The following MAML3 variants were observed in gnomAD, a reference collection of about 807,000 sequenced individuals.
MAML3 encodes the protein mastermind-like protein 3.
In MAML3, 27 loss-of-function variants were observed where a neutral mutation model predicts 101.9. The ratio of observed to expected loss-of-function variants is 0.27; its 90% CI spans 0.20 to 0.37. The LOEUF is 0.37. MAML3 is among the 10% of genes least tolerant of loss of function. MAML3 has a pLI of 1.00. For missense variants in MAML3, 1,316 were observed against 1,444.9 expected, an observed-to-expected ratio of 0.91 and a Z score of 1.45; for synonymous variants, 501 against 555.9, an observed-to-expected ratio of 0.90 and a Z score of 1.39.
intron 2 of MAML3, among the ~76,000 whole-genome samples, chr4:139,831,704 G>T: frequency 6.6e-6 from 1 of 152,062 alleles, no homozygotes; most frequent in East Asian, 1.9e-4. Flanking sequence ...GATCCTGGGC[G>T]TGTGGCCAGG....
intron 2 of MAML3, among the ~76,000 whole-genome samples, chr4:139,821,027 G>T (rs183548845): frequency 6.6e-6 from 1 of 152,278 alleles, no homozygotes; most frequent in African/African-American, 2.4e-5. Context: ...GACACAGTTT[G>T]AAATTTGCTA....
chr4:139,776,153 T>C (rs1402047871), intron 2 of MAML3, among the ~76,000 whole-genome samples: 1 of 152,250 alleles, frequency 6.6e-6, no homozygotes, highest in Non-Finnish European at 1.5e-5. Flanking sequence ...ATGATTATTT[T>C]GTAAATCAAC....
intron 2 of MAML3, among the ~76,000 whole-genome samples, chr4:139,842,522 A>ATTTTTAT (rs57436488): frequency 0.41 from 62,154 of 151,052 alleles, 13,619 homozygotes; most frequent in East Asian, 0.69. Flanking sequence ...TTTTATTTTT[A>ATTTTTAT]TTTTTATTTG....
intron 1 of MAML3, among the ~76,000 whole-genome samples, chr4:139,911,621 G>C (rs1020624456): frequency 2.0e-5 from 3 of 152,172 alleles, no homozygotes; most frequent in African/African-American, 7.2e-5. Flanking sequence ...TAACCCCCAA[G>C]GTGAGGGTAT....
chr4:139,952,964 A>G (rs1578614539), intron 1 of MAML3, among the ~76,000 whole-genome samples: 1 of 152,366 alleles, frequency 6.6e-6, no homozygotes, highest in East Asian at 1.9e-4. Context: ...GTTGGATGAC[A>G]GAGAAAAAAA....
chr4:139,933,436 T>G (rs1487795497), intron 1 of MAML3, among the ~76,000 whole-genome samples: 1 of 152,052 alleles, frequency 6.6e-6, no homozygotes, highest in African/African-American at 2.4e-5. Context: ...GAGCAAGGGG[T>G]GGGGACAGGG....
chr4:139,887,145 G>A (rs571590285), intron 2 of MAML3, among the ~76,000 whole-genome samples: 1 of 152,312 alleles, frequency 6.6e-6, no homozygotes, highest in East Asian at 1.9e-4. Flanking sequence ...CGCATATAAT[G>A]TAATGAACTA....
chr4:140,038,612 G>A (rs932722356), intron 1 of MAML3, among the ~76,000 whole-genome samples: 3 of 152,178 alleles, frequency 2.0e-5, no homozygotes, highest in South Asian at 4.1e-4. Flanking sequence ...CTTACTACAC[G>A]TGTGACTTTG....
chr4:140,090,911 A>G (rs932275498), intron 1 of MAML3, among the ~76,000 whole-genome samples: 1 of 152,152 alleles, frequency 6.6e-6, no homozygotes, highest in Non-Finnish European at 1.5e-5. Context: ...TTAGCCAGGC[A>G]TGGTGGCAAG....
intron 1 of MAML3, among the ~76,000 whole-genome samples, chr4:140,067,204 T>G (rs542357031): frequency 0.02 from 1,779 of 89,286 alleles, 13 homozygotes; most frequent in South Asian, 0.045. Context: ...TTTAGGGGTG[T>G]GTGTGTGTGT....
At chr4:139,748,030 G>A (rs1414331766) in intron 2 of MAML3, among the ~76,000 whole-genome samples, 3 of 148,582 alleles carry the variant, frequency 2.0e-5, no homozygotes, top group Non-Finnish European at 4.4e-5. Context: ...CTCCAGCCTG[G>A]GTGGACAGAG....
chr4:139,928,008 C>T (rs1025458123), intron 1 of MAML3, among the ~76,000 whole-genome samples: 7 of 152,128 alleles, frequency 4.6e-5, no homozygotes, highest in Admixed American at 6.5e-5. Context: ...CAGTAATATA[C>T]GTGTGTATGC....
chr4:139,732,511 C>T (rs912256838), intron 2 of MAML3, among the ~76,000 whole-genome samples: 1 of 151,940 alleles, frequency 6.6e-6, no homozygotes, highest in Non-Finnish European at 1.5e-5. Context: ...CTGGTTTGTT[C>T]GTGCAGTAGC....
chr4:140,102,808 T>G lies in MAML3; in HGVS notation c.468+50052A>C, dbSNP rs1263639688. Among the ~76,000 whole-genome samples, 4 of 152,252 alleles carry G rather than the reference T, an allele frequency of 2.6e-5. No homozygotes were observed. In the East Asian group the frequency reaches 7.7e-4, roughly 29 times the overall value. On this transcript the variant is annotated intron_variant, in intron 1 of 4. Coordinates refer to ENST00000509479, the MANE Select transcript of MAML3 (RefSeq NM_018717.5). ...CCGTGGTACTTCACCATCCCATCAC[T>G]GCCTCAGTCTATGTCCAGAGAAAAT...
intron 1 of MAML3, among the ~76,000 whole-genome samples, chr4:140,082,251 G>A (rs915178913): frequency 5.3e-5 from 8 of 152,242 alleles, no homozygotes; most frequent in Non-Finnish European, 7.3e-5. Context: ...AGCAGTGCAA[G>A]TTTATTCTGC....
At chr4:139,807,186 C>A (rs976611489) in intron 2 of MAML3, among the ~76,000 whole-genome samples, 6 of 152,124 alleles carry the variant, frequency 3.9e-5, no homozygotes, top group Admixed American at 3.3e-4. Flanking sequence ...GTTCTCTAAA[C>A]TTTGGTTTCT....
chr4:140,000,064 A>G (rs937530720), intron 1 of MAML3, among the ~76,000 whole-genome samples: 3 of 152,154 alleles, frequency 2.0e-5, no homozygotes, highest in African/African-American at 7.2e-5. Flanking sequence ...AATTATAACT[A>G]ATTTTACTTT....
chr4:139,800,311 G>A (rs961434661), intron 2 of MAML3, among the ~76,000 whole-genome samples: 7 of 152,154 alleles, frequency 4.6e-5, no homozygotes, highest in Non-Finnish European at 1.0e-4. Context: ...TCTTCCTTAA[G>A]AAGGCAGAGA....
rs1200740610 is a variant in MAML3, at chr4:139,735,689, C to T, written c.2080-5022G>A. 3.3e-5 allele frequency among the ~76,000 whole-genome samples: 5 copies of T among 152,220 alleles called. No individual in the cohort carries two copies. Among genetic ancestry groups the T allele is most frequent in the African/African-American group, 1.2e-4 (5 of 41,456 alleles). ...GTTTTATTGAAAAAGTCCCCTGGGG[C>T]CTAATTTAGCCTCTCGACTCCAGCC... On this transcript the variant is annotated intron_variant, in intron 2 of 4. Transcript: ENST00000509479. The surrounding 1 kb of genome is among the most constrained non-coding windows in gnomAD (Gnocchi z 5.8).
Sources: gnomAD v4.1 joint callset for allele counts (sites outside exome capture counted in the v4.1 genomes callset) on GRCh38, gnomAD v4.1.1 for gene constraint, Gnocchi (gnomAD v3.1) non-coding constraint, MANE v1.5 for transcripts, NCBI Gene and HGNC (gene_info 2026-07-23, HGNC 2026-07-21) for gene names.